PRDM5: variants seen among roughly 807,000 people sequenced by gnomAD.
The protein encoded by PRDM5 is PR/SET domain 5.
PRDM5 carries 56 observed loss-of-function variants against 81.2 expected under a neutral mutation model. The ratio of observed to expected loss-of-function variants is 0.69; its 90% CI spans 0.56 to 0.86. The LOEUF is 0.86. PRDM5 is among the 40% of genes least tolerant of loss of function. PRDM5 has a pLI of 0.00. For synonymous variants in PRDM5, 267 were observed against 256.4 expected (o/e 1.04, Z -0.39); for missense variants, 697 against 770.1 (o/e 0.91, Z 1.12).
intron 2 of PRDM5, among the ~76,000 whole-genome samples, chr4:120,869,364 A>C (rs911678430): frequency 2.2e-4 from 33 of 152,236 alleles, no homozygotes; most frequent in African/African-American, 7.5e-4. Context: ...TCCATTGTGC[A>C]ATGTAGTTAC....
chr4:120,757,347 A>G (rs1744897520), intron 13 of PRDM5, among the ~76,000 whole-genome samples: 1 of 152,238 alleles, frequency 6.6e-6, no homozygotes. Flanking sequence ...ATCCAATGCC[A>G]TTGAACCTTT....
At chr4:120,901,924 A>C (rs1315680385) in intron 2 of PRDM5, among the ~76,000 whole-genome samples, 1 of 152,216 alleles carries the variant, frequency 6.6e-6, no homozygotes, top group Non-Finnish European at 1.5e-5. Context: ...CTAAGAGGCA[A>C]ATGCAGACTC....
chr4:120,753,030 G>A (rs1419334082), intron 14 of PRDM5, among the ~76,000 whole-genome samples: 2 of 152,082 alleles, frequency 1.3e-5, no homozygotes, highest in African/African-American at 4.8e-5. Flanking sequence ...ATTTTTTCCT[G>A]CAGTGATTTA....
intron 14 of PRDM5, among the ~76,000 whole-genome samples, chr4:120,741,249 A>C (rs73845478): frequency 0.058 from 8,757 of 152,100 alleles, 513 homozygotes; most frequent in African/African-American, 0.15. Flanking sequence ...TAGGAAAATT[A>C]TTCTTGCCTT....
intron 14 of PRDM5, among the ~76,000 whole-genome samples, chr4:120,753,959 T>C (rs143901095): frequency 1.5e-3 from 223 of 152,264 alleles, no homozygotes; most frequent in African/African-American, 5.1e-3. Context: ...GTGAAACAGA[T>C]GCTTGAGTCT....
chr4:120,907,586 G>A, intron 1 of PRDM5, 29 bp from the exon 2 acceptor site: 1 of 1,518,918 alleles, frequency 6.6e-7, no homozygotes, highest in Non-Finnish European at 9.1e-7. Flanking sequence ...ATTGAACAAG[G>A]ATTAGTACAA....
chr4:120,922,696 G>A lies in PRDM5; in HGVS notation c.-88C>T, dbSNP rs1725128829. 2.0e-6 allele frequency: 3 copies of A among 1,515,192 alleles called. 1 individual carries two copies. The South Asian group carries it at 3.6e-5, about 18-fold the overall frequency. 93.9% of individuals were successfully genotyped at this position (1,515,192 alleles called of 1,614,324 possible). ...CATCGAAATTTGGGGTGCCAGGGTA[G>A]AGGGGAGAAACCGGCAGGGAAGGAG... On this transcript the variant is annotated 5_prime_UTR_variant, in exon 1 of 16. Transcript: ENST00000264808.
chr4:120,774,982 G>C (rs1386976597), intron 13 of PRDM5, among the ~76,000 whole-genome samples: 1 of 148,418 alleles, frequency 6.7e-6, no homozygotes, highest in Non-Finnish European at 1.5e-5. Flanking sequence ...GTGTGTATAT[G>C]TATATGTGTA....
In PRDM5 at chr4:120,762,181, C is replaced by T. The variant is rs145915408; in HGVS notation, c.1538-7543G>A. Reference sequence around the variant, plus strand: ...TTCCTTGAAAATATGAAAAGATGTACACACAGAAAATGTAATTTAAAATGG... The same window carrying T: ...TTCCTTGAAAATATGAAAAGATGTATACACAGAAAATGTAATTTAAAATGG... On this transcript the variant is annotated intron_variant, in intron 13 of 15. Coordinates refer to ENST00000264808, the MANE Select transcript of PRDM5 (RefSeq NM_018699.4). 3.3e-3 allele frequency among the ~76,000 whole-genome samples: 496 copies of T among 152,130 alleles called. 3 individuals carry two copies. The highest frequency in any genetic ancestry group is 0.012 in the African/African-American group (488 of 41,510).
rs542291629 is a variant in PRDM5 at position 120,781,982 on chromosome 4, C to A, written c.1283-679G>T. The stretch of plus-strand genomic sequence containing the variant: ...TTAGCCACCCTGGGTATTTCACTTT[C>A]TTCTCATTATCCAGCCTGGGGCTGA... On this transcript the variant is annotated intron_variant, in intron 11 of 15. Coordinates refer to ENST00000264808, the MANE Select transcript of PRDM5 (RefSeq NM_018699.4). Among the ~76,000 whole-genome samples the A allele has an allele frequency of 2.0e-5, 3 of 152,256 alleles. No homozygotes were observed. The South Asian group carries it at 6.2e-4, about 32-fold the overall frequency.
At position 120,820,294 on chromosome 4, in the gene PRDM5, C is replaced by T. The variant is rs573045295; in HGVS notation, c.475+877G>A. ...CTATCTAATTAGAAACGGGCCCTCACCAGACACCAAATCTGCTGGCACCTT... is the reference window on the plus strand; with the variant it reads ...CTATCTAATTAGAAACGGGCCCTCATCAGACACCAAATCTGCTGGCACCTT... On this transcript the variant is annotated intron_variant, in intron 4 of 15. Transcript: ENST00000264808. Among the ~76,000 whole-genome samples, 21 of 152,266 alleles carry T rather than the reference C, an allele frequency of 1.4e-4. No homozygotes were observed. In the East Asian group the frequency reaches 3.9e-3, roughly 28 times the overall value.
Position 120,692,255 on chromosome 4 carries a change from G to A in PRDM5, c.*2856C>T, listed in dbSNP as rs1734102064. On this transcript the variant is annotated 3_prime_UTR_variant, in exon 16 of 16. Coordinates refer to ENST00000264808, the MANE Select transcript of PRDM5 (RefSeq NM_018699.4). ...GGCTGTAAGACCTTCTGTAATACAT[G>A]TTCACACTCATGCATGAGTTGACTG... 6.6e-6 allele frequency: 1 copy of A among 152,018 alleles called. No homozygotes were observed. The highest frequency in any genetic ancestry group is 6.6e-5 in the Admixed American group (1 of 15,230). 9.4% of individuals were successfully genotyped at this position (152,018 alleles called of 1,614,324 possible).
At chr4:120,775,245 A>G (rs909234782) in intron 13 of PRDM5, among the ~76,000 whole-genome samples, 1 of 152,034 alleles carries the variant, frequency 6.6e-6, no homozygotes, top group African/African-American at 2.4e-5. Flanking sequence ...ATAGAACATA[A>G]GACAACAAAA....
At chr4:120,921,290 CA>C (rs1371370400) in intron 1 of PRDM5, among the ~76,000 whole-genome samples, 1 of 152,152 alleles carries the variant, frequency 6.6e-6, no homozygotes, top group African/African-American at 2.4e-5. Flanking sequence ...AACATTTGGC[CA>C]TTTGGCAACT....
chr4:120,723,742 T>C (rs1169071522), intron 14 of PRDM5, among the ~76,000 whole-genome samples: 4 of 151,994 alleles, frequency 2.6e-5, no homozygotes, highest in Non-Finnish European at 5.9e-5. Context: ...GGCAAAAATG[T>C]TGAGTTTCAA....
At chr4:120,758,868 A>C (rs943002647) in intron 13 of PRDM5, among the ~76,000 whole-genome samples, 1 of 151,012 alleles carries the variant, frequency 6.6e-6, no homozygotes, top group Non-Finnish European at 1.5e-5. Context: ...CCATTCTCCT[A>C]CCTCAGCCTC....
intron 10 of PRDM5, among the ~76,000 whole-genome samples, chr4:120,794,358 C>T (rs1751028288): frequency 6.6e-6 from 1 of 151,972 alleles, no homozygotes; most frequent in African/African-American, 2.4e-5. Flanking sequence ...TAAACTTACA[C>T]CATATGTTTT....
intron 13 of PRDM5, among the ~76,000 whole-genome samples, chr4:120,763,977 G>A (rs1198060248): frequency 1.3e-5 from 2 of 150,040 alleles, no homozygotes; most frequent in Non-Finnish European, 3.0e-5. Context: ...CAGCCTAGAA[G>A]CATAGTGCCG....
At chr4:120,779,247 AAAGGTAT>A (rs1363279328) in intron 12 of PRDM5, among the ~76,000 whole-genome samples, 3 of 151,500 alleles carry the variant, frequency 2.0e-5, no homozygotes, top group Non-Finnish European at 2.9e-5. Context: ...AAAAGACATT[AAAGGTAT>A]AATACTAAAC....
Sources: gnomAD v4.1 joint callset for allele counts (sites outside exome capture counted in the v4.1 genomes callset) on GRCh38, gnomAD v4.1.1 for gene constraint, MANE v1.5 for transcripts, NCBI Gene and HGNC (gene_info 2026-07-23, HGNC 2026-07-21) for gene names.